NEMP2: variants seen among roughly 807,000 people sequenced by gnomAD.
NEMP2 encodes UPF0571 transmembrane protein.
NEMP2 carries 53 observed loss-of-function variants against 54.2 expected under a neutral mutation model. That is an observed-to-expected ratio of 0.98 (90% CI 0.78 to 1.23). The LOEUF is 1.23. NEMP2 is among the 50% of genes most tolerant of loss of function. The pLI, the probability that NEMP2 is intolerant of heterozygous loss-of-function variation, is 0.00. For synonymous variants in NEMP2, 197 were observed against 190.3 expected (o/e 1.04, Z -0.29); for missense variants, 455 against 511.3 (o/e 0.89, Z 1.06).
the NEMP2 span, among the ~76,000 whole-genome samples, chr2:190,607,038 T>A: frequency 6.6e-6 from 1 of 152,120 alleles, no homozygotes; most frequent in Non-Finnish European, 1.5e-5. The surrounding 1 kb of genome is among the most constrained non-coding windows in gnomAD (Gnocchi z 5.2). Flanking sequence ...TGCTGACATG[T>A]GAGGCACTTC....
chr2:190,594,359 CATT>C, the NEMP2 span, among the ~76,000 whole-genome samples: 3 of 152,122 alleles, frequency 2.0e-5, no homozygotes, highest in Non-Finnish European at 4.4e-5. The surrounding 1 kb of genome is among the most constrained non-coding windows in gnomAD (Gnocchi z 5.6). Flanking sequence ...ACATCATGAT[CATT>C]ATTATTATTT....
chr2:190,465,105 T>C, the NEMP2 span, among the ~76,000 whole-genome samples: 1 of 152,222 alleles, frequency 6.6e-6, no homozygotes, highest in Non-Finnish European at 1.5e-5. This position sits in a 1 kb window ranked among gnomAD's most constrained non-coding sequence, Gnocchi z 4.6. Flanking sequence ...ATACTGTGAA[T>C]TGTGCTTATA....
At chr2:190,478,848 A>G in the NEMP2 span, among the ~76,000 whole-genome samples, 7 of 152,170 alleles carry the variant, frequency 4.6e-5, no homozygotes, top group African/African-American at 1.7e-4. Context: ...AAAAAAAATA[A>G]GCAAAGTCTG....
chr2:190,603,746 T>G, the NEMP2 span, among the ~76,000 whole-genome samples: 1 of 151,670 alleles, frequency 6.6e-6, no homozygotes, highest in African/African-American at 2.4e-5. Context: ...CTTCACAAAT[T>G]TCTAGATGCA....
chr2:190,485,313 G>A, the NEMP2 span, among the ~76,000 whole-genome samples: 4 of 152,088 alleles, frequency 2.6e-5, no homozygotes, highest in Non-Finnish European at 5.9e-5. The surrounding 1 kb of genome is among the most constrained non-coding windows in gnomAD (Gnocchi z 5.1). Flanking sequence ...TGTTTTGGTT[G>A]CTTGTAAATC....
chr2:190,534,601 TG>T lies in NEMP2; in HGVS notation c.54del (p.Thr19HisfsTer21). The T allele has an allele frequency of 7.2e-7, 1 of 1,391,288 alleles. No homozygotes were observed. Among genetic ancestry groups the T allele is most frequent in the Non-Finnish European group, 9.3e-7 (1 of 1,076,664 alleles). 86.2% of individuals were successfully genotyped at this position (1,391,288 alleles called of 1,614,324 possible). On this transcript the variant is annotated frameshift_variant, in exon 1 of 9. Coordinates refer to ENST00000409150, the MANE Select transcript of NEMP2 (RefSeq NM_001142645.2). LOFTEE classifies it high-confidence loss of function. ...GCCGCCTCCCCGCGCACGGGCAGTG[TG>T]GCCAGGGGCGGCAGCCAGAGCAGCA... The part of the protein sequence containing the change: ...WWLLLWLPPL[A>X]TLPVRGEAAA...
rs151237844 is a variant in NEMP2 at position 190,514,083 on chromosome 2, C to T, written c.953+370G>A. On this transcript the variant is annotated intron_variant, in intron 7 of 8. Transcript: ENST00000409150. The surrounding 1 kb of genome is among the most constrained non-coding windows in gnomAD (Gnocchi z 5.7). ...TATGATTCATTTCTGTTTCCTAATT[C>T]GTATCTCATAAGCACAGCTGATACC... Among the ~76,000 whole-genome samples, 28 of 152,312 alleles carry T rather than the reference C, an allele frequency of 1.8e-4. 1 individual carries two copies. The highest frequency in any genetic ancestry group is 6.3e-4 in the African/African-American group (26 of 41,560).
chr2:190,524,157 C>A (rs1407232643), intron 2 of NEMP2, among the ~76,000 whole-genome samples: 1 of 151,758 alleles, frequency 6.6e-6, no homozygotes, highest in Non-Finnish European at 1.5e-5. Context: ...GTTGAGGCTG[C>A]AGTGAACCAA....
chr2:190,466,259 G>T, the NEMP2 span, among the ~76,000 whole-genome samples: 1 of 152,180 alleles, frequency 6.6e-6, no homozygotes, highest in Non-Finnish European at 1.5e-5. Context: ...TAAGACTTCA[G>T]CACATGAACT....
At chr2:190,428,874 C>T in the NEMP2 span, among the ~76,000 whole-genome samples, 457 of 151,986 alleles carry the variant, frequency 3.0e-3, no homozygotes, top group African/African-American at 0.01. Context: ...GGTTTTGCCA[C>T]ATTGGCCAGG....
chr2:190,546,666 AC>A, the NEMP2 span, among the ~76,000 whole-genome samples: 1 of 151,684 alleles, frequency 6.6e-6, no homozygotes, highest in South Asian at 2.1e-4. This position sits in a 1 kb window ranked among gnomAD's most constrained non-coding sequence, Gnocchi z 5.1. Flanking sequence ...CCCTACCCCC[AC>A]CCCCATTTTA....
At position 190,534,617 on chromosome 2, in the gene NEMP2, C is replaced by A. The variant is rs1691300187; in HGVS notation, c.39G>T (p.Trp13Cys). 7.2e-7 allele frequency: 1 copy of A among 1,380,332 alleles called. No individual in the cohort carries two copies. The highest frequency in any genetic ancestry group is 9.3e-7 in the Non-Finnish European group (1 of 1,070,136). The allele number at this position is 1,380,332 out of a possible 1,614,324, so 85.5% of individuals were successfully genotyped here. A position where few individuals can be genotyped will look rare whatever the true frequency, so the allele number is the denominator to read the frequency against. ...CGGGCAGTGTGGCCAGGGGCGGCAG[C>A]CAGAGCAGCAGCCACCACCGCCCTT... is the stretch of plus-strand genomic sequence containing the variant. ...PRQGRWWLLL[W>C]LPPLATLPVR... The change falls in exon 1 of 9, where the codon TGG (tryptophan) becomes TGT (cysteine). Residue 13 changes from tryptophan (W) to cysteine (C), a missense_variant. Physicochemically the swap from Trp to Cys is radical, Grantham distance 215. This residue lies in a region of NEMP2 where 100 missense variants were observed against 80.2 expected (regional missense o/e 1.25). Transcript: ENST00000409150.
the NEMP2 span, among the ~76,000 whole-genome samples, chr2:190,462,859 G>A: frequency 6.6e-6 from 1 of 152,170 alleles, no homozygotes; most frequent in South Asian, 2.1e-4. This position sits in a 1 kb window ranked among gnomAD's most constrained non-coding sequence, Gnocchi z 5.7. Context: ...CTGTTGCTCA[G>A]GTCACTGATT....
At chr2:190,554,427 A>G in the NEMP2 span, among the ~76,000 whole-genome samples, 1 of 152,216 alleles carries the variant, frequency 6.6e-6, no homozygotes, top group Non-Finnish European at 1.5e-5. This position sits in a 1 kb window ranked among gnomAD's most constrained non-coding sequence, Gnocchi z 5.7. Context: ...TGCTGCCAGC[A>G]CAGCAGTCTG....
At chr2:190,552,275 T>C in the NEMP2 span, among the ~76,000 whole-genome samples, 1 of 152,236 alleles carries the variant, frequency 6.6e-6, no homozygotes, top group South Asian at 2.1e-4. Flanking sequence ...TGGTGGTTCG[T>C]CTTCATTCAT....
At position 190,513,449 on chromosome 2, in the gene NEMP2, T is replaced by C. The variant is rs538714228; in HGVS notation, c.953+1004A>G. ...ACTGCTGCCTTACCCCTGCTCAGCATCACTCACCATAGTATCTGCCTGGGT... is the reference window on the plus strand; with the variant it reads ...ACTGCTGCCTTACCCCTGCTCAGCACCACTCACCATAGTATCTGCCTGGGT... On this transcript the variant is annotated intron_variant, in intron 7 of 8. Transcript: ENST00000409150. The surrounding 1 kb of genome is among the most constrained non-coding windows in gnomAD (Gnocchi z 5.3). Among the ~76,000 whole-genome samples, 128 of 152,326 alleles carry C rather than the reference T, an allele frequency of 8.4e-4. No homozygotes were observed. The highest frequency in any genetic ancestry group is 2.9e-3 in the African/African-American group (119 of 41,572).
upstream of NEMP2, chr2:190,534,745 G>C (rs1276648632): frequency 7.0e-6 from 7 of 999,296 alleles, no homozygotes; most frequent in Non-Finnish European, 6.5e-6. Context: ...CAGAGAAGGC[G>C]GAGGGGGCGG....
the NEMP2 span, among the ~76,000 whole-genome samples, chr2:190,429,035 C>T: frequency 6.6e-6 from 1 of 152,006 alleles, no homozygotes; most frequent in South Asian, 2.1e-4. Context: ...GGTTTTAATG[C>T]TTTCACTGGC....
the NEMP2 span, among the ~76,000 whole-genome samples, chr2:190,591,993 A>G: frequency 6.6e-6 from 1 of 152,204 alleles, no homozygotes; most frequent in Non-Finnish European, 1.5e-5. This position sits in a 1 kb window ranked among gnomAD's most constrained non-coding sequence, Gnocchi z 5.4. Flanking sequence ...GGAGGAAATG[A>G]TTAATTCTTC....
Sources: allele counts gnomAD v4.1 joint callset (sites outside exome capture counted in the v4.1 genomes callset), GRCh38; gene constraint gnomAD v4.1.1; regional missense constraint gnomAD v4.1.1; non-coding constraint Gnocchi (gnomAD v3.1); transcripts MANE v1.5; gene names NCBI Gene and HGNC (gene_info 2026-07-23, HGNC 2026-07-21).